COLEC10: variants seen among roughly 807,000 people sequenced by gnomAD.
The protein encoded by COLEC10 is collectin subfamily member 10.
A neutral mutation model predicts 28.4 loss-of-function variants in COLEC10; 22 were observed. The observed-to-expected ratio is 0.78, with a 90% CI of 0.55 to 1.11. COLEC10 has a LOEUF of 1.11. COLEC10 is among the 50% of genes least tolerant of loss of function. The probability of loss-of-function intolerance (pLI) is 0.00; values close to 1 mark genes in which losing one functional copy is unlikely to be tolerated. For synonymous variants in COLEC10, 125 were observed against 116.1 expected, an observed-to-expected ratio of 1.08 and a Z score of -0.49; for missense variants, 361 against 344.1, an observed-to-expected ratio of 1.05 and a Z score of -0.39.
intron 2 of COLEC10, among the ~76,000 whole-genome samples, chr8:119,034,739 T>A (rs530275645): frequency 6.6e-6 from 1 of 152,276 alleles, no homozygotes; most frequent in South Asian, 2.1e-4. Context: ...ATGTTAGTCT[T>A]ACTCTTGGGA....
At chr8:118,990,992 A>G (rs540848234), upstream of COLEC10, among the ~76,000 whole-genome samples, 1 of 152,180 alleles carries the variant, frequency 6.6e-6, no homozygotes, top group African/African-American at 2.4e-5. Flanking sequence ...AAACACCATA[A>G]TGCTGTTCAT....
intron 3 of COLEC10, among the ~76,000 whole-genome samples, chr8:119,091,573 A>AAGAGAG (rs765113777): frequency 1.1e-4 from 16 of 140,654 alleles, no homozygotes; most frequent in South Asian, 2.4e-4. Context: ...GAAAGAAAGA[A>AAGAGAG]AGAGAGAGAG....
At chr8:118,957,323 C>T in the COLEC10 span, among the ~76,000 whole-genome samples, 90 of 152,226 alleles carry the variant, frequency 5.9e-4, 1 homozygote, top group East Asian at 0.015. Flanking sequence ...AATTTTAGAG[C>T]GGTGATGTCT....
chr8:119,003,206 A>C (rs1382568539), intron 1 of COLEC10, among the ~76,000 whole-genome samples: 3 of 152,142 alleles, frequency 2.0e-5, no homozygotes, highest in Non-Finnish European at 4.4e-5. Context: ...TACTTTTCAT[A>C]CATCTTTTAT....
At chr8:118,981,227 C>T in the COLEC10 span, among the ~76,000 whole-genome samples, 1 of 152,046 alleles carries the variant, frequency 6.6e-6, no homozygotes, top group African/African-American at 2.4e-5. Flanking sequence ...CATATCTATA[C>T]TCTTGGTTTA....
At chr8:118,967,856 G>A in the COLEC10 span, among the ~76,000 whole-genome samples, 1 of 151,904 alleles carries the variant, frequency 6.6e-6, no homozygotes. Context: ...CCCTTTAATG[G>A]CATTAGTAAA....
At chr8:119,019,315 C>G (rs77155139) in intron 2 of COLEC10, among the ~76,000 whole-genome samples, 2,570 of 152,190 alleles carry the variant, frequency 0.017, 31 homozygotes, top group Middle Eastern at 0.031. Flanking sequence ...TTCTCTGTTG[C>G]CTGTCAGTGC....
At chr8:119,069,274 C>T (rs1333118761) in intron 1 of COLEC10, among the ~76,000 whole-genome samples, 1 of 151,876 alleles carries the variant, frequency 6.6e-6, no homozygotes, top group Non-Finnish European at 1.5e-5. Context: ...GATATGGGTA[C>T]ACCAGAAACC....
At chr8:119,061,770 A>T (rs542065979) in intron 2 of COLEC10, among the ~76,000 whole-genome samples, 1 of 152,218 alleles carries the variant, frequency 6.6e-6, no homozygotes, top group African/African-American at 2.4e-5. Flanking sequence ...AAAGACGCAG[A>T]TATCAGAAAA....
At position 119,089,714 on chromosome 8, in the gene COLEC10, G is replaced by A. The variant is rs1280703211; in HGVS notation, c.183G>A (p.Glu61=). Residue 61 remains glutamate, a synonymous_variant, in exon 2 of 6, where the codon GAG becomes GAA. Coordinates refer to ENST00000332843, the MANE Select transcript of COLEC10 (RefSeq NM_006438.5). ...GTGAAAAAGGAGATCCAGGAGAAGA[G>A]GGAAAGCATGGCAAAGTGGGACGCA... The part of the protein sequence containing the change: ...DDGEKGDPGE[E]GKHGKVGRMG... 1.9e-6 allele frequency: 3 copies of A among 1,613,672 alleles called. No individual in the cohort carries two copies. Among genetic ancestry groups the A allele is most frequent in the East Asian group, 4.5e-5 (2 of 44,834 alleles).
intron 1 of COLEC10, among the ~76,000 whole-genome samples, chr8:119,006,738 A>ATT (rs57098770): frequency 1.7e-4 from 26 of 149,696 alleles, no homozygotes; most frequent in East Asian, 9.8e-4. Context: ...ATCTTTACCC[A>ATT]TTTTTTTTTA....
At chr8:119,104,069 C>T (rs1343538027) in intron 5 of COLEC10, among the ~76,000 whole-genome samples, 174 bp downstream of exon 5, 1 of 152,016 alleles carries the variant, frequency 6.6e-6, no homozygotes, top group East Asian at 1.9e-4. Context: ...CCTAGGACAC[C>T]TCAAGTCTGC....
the COLEC10 span, among the ~76,000 whole-genome samples, chr8:118,969,059 C>T: frequency 4.0e-4 from 61 of 151,952 alleles, 2 homozygotes; most frequent in South Asian, 3.7e-3. Context: ...CTGGCAGGCT[C>T]GATTCAATTA....
chr8:119,100,586 C>T (rs535993341), intron 3 of COLEC10, among the ~76,000 whole-genome samples: 1 of 152,286 alleles, frequency 6.6e-6, no homozygotes, highest in East Asian at 1.9e-4. Context: ...CTCTGCTGTA[C>T]CTTGAACCTG....
At chr8:118,958,605 C>T in the COLEC10 span, among the ~76,000 whole-genome samples, 18 of 152,260 alleles carry the variant, frequency 1.2e-4, no homozygotes, top group East Asian at 2.5e-3. Context: ...AGTGTATCTA[C>T]GTTTACACAA....
intron 1 of COLEC10, among the ~76,000 whole-genome samples, chr8:119,080,867 G>A (rs1815353827): frequency 6.6e-6 from 1 of 151,956 alleles, no homozygotes; most frequent in African/African-American, 2.4e-5. Flanking sequence ...TACTCCCTAA[G>A]AGACTTTCTA....
the COLEC10 span, among the ~76,000 whole-genome samples, chr8:118,954,593 G>A: frequency 7.2e-5 from 11 of 152,194 alleles, no homozygotes; most frequent in Non-Finnish European, 1.3e-4. Flanking sequence ...AGAATGTTCC[G>A]TAACTTTAAC....
chr8:119,088,668 T>C (rs1313650469), intron 1 of COLEC10, among the ~76,000 whole-genome samples: 5 of 152,238 alleles, frequency 3.3e-5, no homozygotes, highest in Non-Finnish European at 5.9e-5. Context: ...TGCAGGTATC[T>C]GGTCATAATA....
chr8:119,050,555 T>C (rs536100906), intron 2 of COLEC10, among the ~76,000 whole-genome samples: 334 of 152,360 alleles, frequency 2.2e-3, no homozygotes, highest in African/African-American at 7.3e-3. Context: ...AAAAAAGTTC[T>C]ATATTTTATG....
Sources: gnomAD v4.1 joint callset for allele counts (sites outside exome capture counted in the v4.1 genomes callset) on GRCh38, gnomAD v4.1.1 for gene constraint, MANE v1.5 for transcripts, NCBI Gene and HGNC (gene_info 2026-07-23, HGNC 2026-07-21) for gene names.